The following COX16 variants were observed in gnomAD, a reference collection of about 807,000 sequenced individuals.
COX16 encodes cytochrome c oxidase assembly factor COX16, also known as cytochrome c oxidase assembly protein COX16 homolog, mitochondrial.
Under a neutral mutation model 15.4 loss-of-function variants are expected in COX16, and 12 were observed. That is an observed-to-expected ratio of 0.78 (90% CI 0.50 to 1.26). COX16 has a LOEUF of 1.26. Ranked by LOEUF, COX16 falls within the 50% of genes most tolerant of loss-of-function variation. The pLI is 0.00. For synonymous variants in COX16, 46 were observed against 41.1 expected (o/e 1.12, Z -0.46); for missense variants, 124 against 127.6 (o/e 0.97, Z 0.14).
chr14:70,354,676 T>C (rs1353158317), intron 1 of COX16, among the ~76,000 whole-genome samples: 1 of 152,186 alleles, frequency 6.6e-6, no homozygotes, highest in East Asian at 1.9e-4. Context: ...TCCTAATTTA[T>C]ATCCTTTATA....
At chr14:70,345,640 A>G (rs1486220356) in intron 1 of COX16, among the ~76,000 whole-genome samples, 3 of 152,172 alleles carry the variant, frequency 2.0e-5, no homozygotes, top group Non-Finnish European at 2.9e-5. Context: ...CAACTTTACA[A>G]TTTTAACTGA....
chr14:70,341,799 C>T (rs1304686809), intron 2 of COX16, among the ~76,000 whole-genome samples: 1 of 152,064 alleles, frequency 6.6e-6, no homozygotes, highest in Non-Finnish European at 1.5e-5. Flanking sequence ...ATGATATTTT[C>T]AATTTACAAT....
At position 70,357,158 on chromosome 14, in the gene COX16, CAAAAAAAAAAAAAAA is replaced by C. The variant is rs4048531; in HGVS notation, c.69+2346_69+2360del. Among the ~76,000 whole-genome samples the C allele has an allele frequency of 2.2e-4, 17 of 78,704 alleles. 1 individual carries two copies. Among genetic ancestry groups the C allele is most frequent in the South Asian group, 8.5e-4 (2 of 2,342 alleles). 51.6% of individuals were successfully genotyped at this position (78,704 alleles called of 152,430 possible). On this transcript the variant is annotated intron_variant, in intron 1 of 3. Coordinates refer to ENST00000389912, the MANE Select transcript of COX16 (RefSeq NM_016468.7). ...CAGACTTCTCCTAGGAAGCGTTTGT[CAAAAAAAAAAAAAAA>C]AAAAAAAAAAAAAAAAAATTCAGAG...
intron 2 of COX16, among the ~76,000 whole-genome samples, chr14:70,339,799 C>T (rs138825314): frequency 2.8e-4 from 42 of 152,242 alleles, no homozygotes; most frequent in African/African-American, 9.9e-4. Context: ...CATCATCAAC[C>T]AACCTCGGCC....
chr14:70,333,916 G>C (rs1304801038), intron 2 of COX16, among the ~76,000 whole-genome samples: 1 of 152,150 alleles, frequency 6.6e-6, no homozygotes, highest in Non-Finnish European at 1.5e-5. Flanking sequence ...GGCCAGAAGA[G>C]AGTGGGACAA....
At chr14:70,351,468 G>T (rs1425274447) in intron 1 of COX16, among the ~76,000 whole-genome samples, 2 of 151,948 alleles carry the variant, frequency 1.3e-5, no homozygotes, top group Non-Finnish European at 2.9e-5. Flanking sequence ...CAGATAAAAG[G>T]GTAACCTTCC....
At chr14:70,347,449 G>A (rs1349702358) in intron 1 of COX16, among the ~76,000 whole-genome samples, 2 of 152,064 alleles carry the variant, frequency 1.3e-5, no homozygotes, top group South Asian at 2.1e-4. Flanking sequence ...GCCTTTACAT[G>A]GGAAAACCCC....
At chr14:70,354,238 G>GA (rs554077840) in intron 1 of COX16, among the ~76,000 whole-genome samples, 3 of 152,040 alleles carry the variant, frequency 2.0e-5, no homozygotes, top group African/African-American at 4.8e-5. Context: ...GAACAAATCA[G>GA]AAAAAATATC....
chr14:70,328,131 G>A (rs1886151357), intron 3 of COX16: 1 of 125,232 alleles, frequency 8.0e-6, no homozygotes, highest in African/African-American at 3.0e-5. Context: ...CCAGGCTGGA[G>A]TGCAGTGGCG....
Position 70,326,287 on chromosome 14 carries a change from A to G in COX16, c.*46T>C, listed in dbSNP as rs4749. The G allele has an allele frequency of 0.7, 958,899 of 1,368,162 alleles. 338,288 individuals are homozygous for G. Among genetic ancestry groups the G allele is most frequent in the East Asian group, 0.9 (32,922 of 36,690 alleles). The allele number at this position is 1,368,162 out of a possible 1,614,324, so 84.8% of individuals were successfully genotyped here. A position where few individuals can be genotyped will look rare whatever the true frequency, so the allele number is the denominator to read the frequency against. On this transcript the variant is annotated 3_prime_UTR_variant, in exon 4 of 4. Transcript: ENST00000389912. The stretch of plus-strand genomic sequence containing the variant: ...TATATATTAGGAAGTCCAGTTAATA[A>G]TATTTTTATTTAAAAAAAAAAAAAA...
intron 1 of COX16, 117 bp from the exon 2 acceptor site, chr14:70,342,846 A>AT: frequency 9.2e-7 from 1 of 1,084,406 alleles, no homozygotes; most frequent in Non-Finnish European, 1.3e-6. Flanking sequence ...AATTCTATAG[A>AT]TTATTTTTCC....
chr14:70,351,920 C>CTT (rs1555345630), intron 1 of COX16, among the ~76,000 whole-genome samples: 2 of 152,070 alleles, frequency 1.3e-5, no homozygotes, highest in African/African-American at 4.8e-5. Context: ...AGGGATCAAA[C>CTT]TTTATTTTTT....
At chr14:70,346,922 C>T (rs1190383437) in intron 1 of COX16, among the ~76,000 whole-genome samples, 1 of 152,044 alleles carries the variant, frequency 6.6e-6, no homozygotes, top group Non-Finnish European at 1.5e-5. Context: ...CCCATAGTAC[C>T]CAACGCATCA....
At chr14:70,349,975 A>C (rs10137455) in intron 1 of COX16, among the ~76,000 whole-genome samples, 109,100 of 152,060 alleles carry the variant, frequency 0.72, 39,451 homozygotes, top group East Asian at 0.93. Flanking sequence ...GTCTCTCAAG[A>C]ATACCCAAAA....
chr14:70,326,126 T>G lies in COX16; in HGVS notation c.*207A>C. On this transcript the variant is annotated 3_prime_UTR_variant, in exon 4 of 4. Coordinates refer to ENST00000389912, the MANE Select transcript of COX16 (RefSeq NM_016468.7). ...GGTGTAAAATATACGTGGCCAACAT[T>G]GTTACTTTCATCCACAGATGGAATA... 3.1e-6 allele frequency: 1 copy of G among 320,944 alleles called. No individual in the cohort carries two copies. Among genetic ancestry groups the G allele is most frequent in the East Asian group, 5.3e-5 (1 of 18,872 alleles). 19.9% of individuals were successfully genotyped at this position (320,944 alleles called of 1,614,324 possible).
chr14:70,335,966 G>A (rs1425644040), intron 2 of COX16, among the ~76,000 whole-genome samples: 3 of 152,084 alleles, frequency 2.0e-5, no homozygotes, highest in Non-Finnish European at 4.4e-5. Context: ...ACTATAAAAA[G>A]CACAGTAGGG....
intron 1 of COX16, among the ~76,000 whole-genome samples, chr14:70,347,615 T>C (rs985129447): frequency 6.6e-6 from 1 of 152,148 alleles, no homozygotes; most frequent in African/African-American, 2.4e-5. Context: ...TGCTCCTGTG[T>C]AGCCCCTCTC....
intron 2 of COX16, among the ~76,000 whole-genome samples, chr14:70,339,177 A>G (rs761526495): frequency 1.3e-5 from 2 of 152,190 alleles, no homozygotes; most frequent in Non-Finnish European, 2.9e-5. Flanking sequence ...TGCACACTTA[A>G]ATCACATCTT....
chr14:70,329,377 C>A, intron 2 of COX16, 141 bp from the exon 3 acceptor site: 2 of 591,446 alleles, frequency 3.4e-6, no homozygotes, highest in Non-Finnish European at 5.7e-6. Context: ...CTACTCTGAT[C>A]ACATAATGAT....
Sources: gnomAD v4.1 joint callset for allele counts (sites outside exome capture counted in the v4.1 genomes callset) on GRCh38, gnomAD v4.1.1 for gene constraint, MANE v1.5 for transcripts, NCBI Gene and HGNC (gene_info 2026-07-23, HGNC 2026-07-21) for gene names.